Variants in SPAG9 observed in about 807,000 individuals in gnomAD.
The protein encoded by SPAG9 is C-Jun-amino-terminal kinase-interacting protein 4.
Under a neutral mutation model 166.5 loss-of-function variants are expected in SPAG9, and 35 were observed. The ratio of observed to expected loss-of-function variants is 0.21; its 90% confidence interval spans 0.16 to 0.28. The LOEUF (loss-of-function observed/expected upper bound fraction) is 0.28, where lower values mean the gene tolerates loss of function less well. Ranked by LOEUF, SPAG9 falls within the 10% of genes least tolerant of loss-of-function variation. SPAG9 has a pLI of 1.00. For synonymous variants in SPAG9, 534 were observed against 565.5 expected, an observed-to-expected ratio of 0.94 and a Z score of 0.79; for missense variants, 1,235 against 1,603.3, an observed-to-expected ratio of 0.77 and a Z score of 3.92.
At chr17:51,092,235 T>C (rs1467889769) in intron 1 of SPAG9, among the ~76,000 whole-genome samples, 1 of 152,014 alleles carries the variant, frequency 6.6e-6, no homozygotes, top group East Asian at 1.9e-4. Context: ...CCATATTAAA[T>C]AACACTCAAG....
Position 50,977,199 on chromosome 17 carries a change from A to G in SPAG9, c.3432T>C (p.Ser1144=). The change falls in exon 27 of 30, where the codon TCT becomes TCC. Residue 1144 remains serine, a synonymous_variant. Transcript: ENST00000262013. ...CCATAAGAGCTGTAATTCTCACAAA[A>G]GAGAAGCCCAGTTTTCCAGTACCTG... The part of the protein sequence containing the change: ...KMLGTGKLGF[S]FVRITALMVS... The G allele has an allele frequency of 6.2e-7, 1 of 1,613,196 alleles. No homozygotes were observed. The highest frequency in any genetic ancestry group is 8.5e-7 in the Non-Finnish European group (1 of 1,179,304).
chr17:51,077,281 G>T (rs1044447641), intron 2 of SPAG9, among the ~76,000 whole-genome samples: 6 of 151,864 alleles, frequency 4.0e-5, no homozygotes, highest in Non-Finnish European at 7.4e-5. Flanking sequence ...GTGCCACCAT[G>T]TCCGGCTAAT....
intron 1 of SPAG9, among the ~76,000 whole-genome samples, chr17:51,100,010 C>T (rs2144732042): frequency 6.6e-6 from 1 of 152,056 alleles, no homozygotes; most frequent in African/African-American, 2.4e-5. Context: ...TGAGGCAAGA[C>T]AATCACTTGA....
chr17:50,975,904 A>G (rs1238899319), intron 27 of SPAG9: 2 of 1,534,994 alleles, frequency 1.3e-6, no homozygotes, highest in Non-Finnish European at 8.7e-7. Flanking sequence ...GATTACGGCT[A>G]AAGTGAGAAA....
chr17:51,080,450 C>T (rs1264911601), intron 1 of SPAG9, among the ~76,000 whole-genome samples: 1 of 152,096 alleles, frequency 6.6e-6, no homozygotes, highest in Non-Finnish European at 1.5e-5. Context: ...ACACTTATTC[C>T]CTAGTGATCG....
rs755195164 is a variant in SPAG9 at position 50,993,938 on chromosome 17, G to A, written c.2227-3C>T. ...TTTTTTAACTCCTTCTGCTGTTCCTGTATAGGCAAAGGAGGAAAAATGTTT... is the reference window on the plus strand; with the variant it reads ...TTTTTTAACTCCTTCTGCTGTTCCTATATAGGCAAAGGAGGAAAAATGTTT... On this transcript the variant is annotated splice_region_variant and splice_polypyrimidine_tract_variant and intron_variant, in intron 18 of 29. Transcript: ENST00000262013. 1 of 1,612,936 alleles carries A rather than the reference G, an allele frequency of 6.2e-7. No homozygotes were observed. The highest frequency in any genetic ancestry group is 1.7e-5 in the Admixed American group (1 of 59,980).
At position 51,063,898 on chromosome 17, in the gene SPAG9, ATAAG is replaced by A. The variant is rs549400277; in HGVS notation, c.425-7420_425-7417del. ...CTCCATCTCAAAAATAAATAAATAAATAAGTAAGTAAGTAAGTAAGTAAAAAATA... is the reference window on the plus strand; with the variant it reads ...CTCCATCTCAAAAATAAATAAATAAATAAGTAAGTAAGTAAGTAAAAAATA... On this transcript the variant is annotated intron_variant, in intron 2 of 29. Coordinates refer to ENST00000262013, the MANE Select transcript of SPAG9 (RefSeq NM_001130528.3). Among the ~76,000 whole-genome samples, 1,358 of 152,244 alleles carry A rather than the reference ATAAG, an allele frequency of 8.9e-3. 16 individuals are homozygous for A. The highest frequency in any genetic ancestry group is 0.023 in the African/African-American group (971 of 41,536).
intron 1 of SPAG9, among the ~76,000 whole-genome samples, chr17:51,118,653 TAA>T (rs1271389997): frequency 6.6e-6 from 1 of 152,232 alleles, no homozygotes; most frequent in African/African-American, 2.4e-5. Flanking sequence ...CTCTGTTCTA[TAA>T]AGAGTGCTAA....
intron 2 of SPAG9, among the ~76,000 whole-genome samples, chr17:51,064,892 C>T (rs1416767193): frequency 6.6e-6 from 1 of 152,024 alleles, no homozygotes; most frequent in Non-Finnish European, 1.5e-5. Flanking sequence ...GAGGCCAAGG[C>T]GGACAGATCA....
chr17:50,985,001 G>A lies in SPAG9; in HGVS notation c.3021-11C>T, dbSNP rs371777010. On this transcript the variant is annotated splice_polypyrimidine_tract_variant and intron_variant, in intron 23 of 29. Transcript: ENST00000262013. ...ATTCCCTTCACGTGTCTGCAAACAG[G>A]AAAGGGGAGTTCAGAACTCTCCATT... 3.9e-5 allele frequency: 63 copies of A among 1,613,440 alleles called. No individual in the cohort carries two copies. The highest frequency in any genetic ancestry group is 4.8e-5 in the Non-Finnish European group (57 of 1,179,520).
At chr17:50,987,338 T>C in intron 21 of SPAG9, 101 bp from the exon 22 acceptor site, 1 of 1,088,592 alleles carries the variant, frequency 9.2e-7, no homozygotes, top group Non-Finnish European at 1.3e-6. Flanking sequence ...TTCATTTGTT[T>C]ATTATTTATT....
At chr17:51,053,869 AT>A (rs2047271458) in intron 3 of SPAG9, among the ~76,000 whole-genome samples, 1 of 88,348 alleles carries the variant, frequency 1.1e-5, no homozygotes, top group Admixed American at 1.0e-4. Flanking sequence ...ATATATATAT[AT>A]ATATATATAT....
chr17:51,014,303 G>A lies in SPAG9; in HGVS notation c.1142C>T (p.Ser381Phe). ...AGCTGAAGACAGTTCTTCAAAGAGA[G>A]ATTCTGTATTGCGATCAAAAGCTTT... ...ENKAFDRNTE[S>F]LFEELSSAGS... is the part of the protein sequence containing the mutation. The change falls in exon 9 of 30, where the codon TCT becomes TTT. Residue 381 changes from serine to phenylalanine, a missense_variant. By Grantham distance (155) the Ser-to-Phe change is radical. This residue lies in a region of SPAG9 where 288 missense variants were observed against 323.7 expected (regional missense o/e 0.89). Transcript: ENST00000262013. The A allele has an allele frequency of 1.2e-6, 2 of 1,613,576 alleles. No homozygotes were observed. Among genetic ancestry groups the A allele is most frequent in the Non-Finnish European group, 1.7e-6 (2 of 1,179,570 alleles).
intron 5 of SPAG9, among the ~76,000 whole-genome samples, chr17:51,034,526 A>G (rs2046511644): frequency 6.6e-6 from 1 of 152,216 alleles, no homozygotes; most frequent in African/African-American, 2.4e-5. Flanking sequence ...CAATGTCCAA[A>G]GCTAGAAAAA....
Position 50,989,718 on chromosome 17 carries a change from T to G in SPAG9, c.2772A>C (p.Gly924=). 1 of 1,614,162 alleles carries G rather than the reference T, an allele frequency of 6.2e-7. No homozygotes were observed. The highest frequency in any genetic ancestry group is 1.7e-5 in the Admixed American group (1 of 60,010). The change falls in exon 21 of 30, where the codon GGA becomes GGC. Residue 924 remains glycine, a synonymous_variant. Transcript: ENST00000262013. The part of the protein sequence containing the change: ...YTEHVFTDPL[G]VQIPEDLSPV... ...GGGAGAGGTCTTCTGGGATCTGAAC[T>G]CCCAAAGGATCTGTAAAGACATGCT...
At chr17:51,023,568 TAAAG>T (rs1472180791) in intron 6 of SPAG9, among the ~76,000 whole-genome samples, 3 of 152,084 alleles carry the variant, frequency 2.0e-5, no homozygotes, top group Non-Finnish European at 2.9e-5. Context: ...TAAAAGGCAA[TAAAG>T]AGTCACCGAT....
intron 9 of SPAG9, among the ~76,000 whole-genome samples, chr17:51,011,643 A>G (rs1319002441): frequency 6.6e-6 from 1 of 152,142 alleles, no homozygotes; most frequent in Non-Finnish European, 1.5e-5. Flanking sequence ...TCGGTCTCCC[A>G]AAGAGCTGGG....
intron 3 of SPAG9, among the ~76,000 whole-genome samples, chr17:51,053,673 A>G (rs2047243379): frequency 6.7e-6 from 1 of 149,740 alleles, no homozygotes; most frequent in South Asian, 2.1e-4. Context: ...TGACAGAACG[A>G]GACTCCATCA....
rs1313229023 is a variant in SPAG9, at chr17:50,966,188, A to G, written c.*84T>C. The G allele has an allele frequency of 1.2e-6, 1 of 868,796 alleles. No homozygotes were observed. The highest frequency in any genetic ancestry group is 2.0e-6 in the Non-Finnish European group (1 of 509,738). The allele number at this position is 868,796 out of a possible 1,614,324, so 53.8% of individuals were successfully genotyped here. On this transcript the variant is annotated 3_prime_UTR_variant, in exon 30 of 30. Transcript: ENST00000262013. ...CATTATGTGGTGAAACTTATCTCAC[A>G]AAAGAGCATTAAATAAAAGGATAGA...
Sources: gnomAD v4.1 joint callset for allele counts (sites outside exome capture counted in the v4.1 genomes callset) on GRCh38, gnomAD v4.1.1 for gene constraint, gnomAD v4.1.1 regional missense constraint, MANE v1.5 for transcripts, NCBI Gene and HGNC (gene_info 2026-07-23, HGNC 2026-07-21) for gene names.